MAN1A2: variants seen among roughly 807,000 people sequenced by gnomAD.
MAN1A2 encodes the protein mannosidase alpha class 1A member 2.
MAN1A2 carries 26 observed loss-of-function variants against 75.7 expected under a neutral mutation model. The observed-to-expected ratio is 0.34, with a 90% CI of 0.25 to 0.48. The LOEUF (loss-of-function observed/expected upper bound fraction) is 0.48, where lower values mean the gene tolerates loss of function less well. Ranked by LOEUF, MAN1A2 falls within the 20% of genes least tolerant of loss-of-function variation. The pLI, the probability that MAN1A2 is intolerant of heterozygous loss-of-function variation, is 0.99. For synonymous variants in MAN1A2, 247 were observed against 264.6 expected, an observed-to-expected ratio of 0.93 and a Z score of 0.65; for missense variants, 562 against 775.5, an observed-to-expected ratio of 0.72 and a Z score of 3.27.
intron 1 of MAN1A2, among the ~76,000 whole-genome samples, chr1:117,369,043 CT>C (rs759491054): frequency 1.3e-5 from 2 of 152,068 alleles, no homozygotes; most frequent in East Asian, 3.9e-4. Context: ...GATTTTTGTT[CT>C]TTTTTTGGGG....
At chr1:117,499,992 C>T (rs1447177241) in intron 11 of MAN1A2, among the ~76,000 whole-genome samples, 1 of 151,536 alleles carries the variant, frequency 6.6e-6, no homozygotes, top group Admixed American at 6.6e-5. Context: ...GGTGACTATT[C>T]GTATTCAAAT....
chr1:117,462,458 T>C (rs1324860620), intron 7 of MAN1A2, among the ~76,000 whole-genome samples: 1 of 152,154 alleles, frequency 6.6e-6, no homozygotes, highest in African/African-American at 2.4e-5. Flanking sequence ...AAAAATAATA[T>C]ATAGAGATGA....
chr1:117,385,465 C>G (rs1300120176), intron 1 of MAN1A2, among the ~76,000 whole-genome samples: 8 of 151,324 alleles, frequency 5.3e-5, no homozygotes, highest in Non-Finnish European at 7.4e-5. Flanking sequence ...CCACCCTATT[C>G]TCATCTACAC....
At chr1:117,439,650 C>A (rs960140627) in intron 5 of MAN1A2, among the ~76,000 whole-genome samples, 2 of 152,014 alleles carry the variant, frequency 1.3e-5, no homozygotes, top group South Asian at 2.1e-4. Context: ...CGCACCACCA[C>A]ACCTGGCTAA....
intron 1 of MAN1A2, among the ~76,000 whole-genome samples, chr1:117,374,366 TA>T (rs1653075093): frequency 6.6e-6 from 1 of 152,234 alleles, no homozygotes; most frequent in Non-Finnish European, 1.5e-5. Flanking sequence ...TTGCTACTTT[TA>T]TTTTCCCTAG....
chr1:117,512,269 G>A (rs1214273065), intron 12 of MAN1A2, among the ~76,000 whole-genome samples: 2 of 152,074 alleles, frequency 1.3e-5, no homozygotes, highest in Non-Finnish European at 2.9e-5. Flanking sequence ...CCCACATAAA[G>A]GAGAAAAGCA....
At chr1:117,428,808 A>ATTTTTTTTTTTTTTTT (rs1648475059) in intron 5 of MAN1A2, among the ~76,000 whole-genome samples, 1 of 85,988 alleles carries the variant, frequency 1.2e-5, no homozygotes, top group Non-Finnish European at 2.4e-5. Flanking sequence ...TTTTTTTTTT[A>ATTTTTTTTTTTTTTTT]AATTTATTTT....
intron 2 of MAN1A2, among the ~76,000 whole-genome samples, chr1:117,403,647 A>G (rs1647515666): frequency 6.6e-6 from 1 of 152,114 alleles, no homozygotes; most frequent in South Asian, 2.1e-4. Context: ...TACTGAAGTT[A>G]TTTATTCTTA....
chr1:117,375,318 GAAGGACTAT>G (rs1653100193), intron 1 of MAN1A2, among the ~76,000 whole-genome samples: 1 of 152,048 alleles, frequency 6.6e-6, no homozygotes. Flanking sequence ...CCTCTCATGG[GAAGGACTAT>G]AATTTCCTAA....
At position 117,420,150 on chromosome 1, in the gene MAN1A2, T is replaced by A. The variant is rs184701857; in HGVS notation, c.775-419T>A. On this transcript the variant is annotated intron_variant, in intron 4 of 12. Transcript: ENST00000356554. ...TATATTCTAGGAAAAATACTTAAAA[T>A]CCAGGAGGAGAGAGGAAGTAAAAAT... 7.9e-3 allele frequency among the ~76,000 whole-genome samples: 1,196 copies of A among 152,072 alleles called. 7 individuals carry two copies. Among genetic ancestry groups the A allele is most frequent in the South Asian group, 0.014 (68 of 4,816 alleles).
At chr1:117,468,464 A>G (rs1650045987) in intron 8 of MAN1A2, among the ~76,000 whole-genome samples, 1 of 152,182 alleles carries the variant, frequency 6.6e-6, no homozygotes, top group African/African-American at 2.4e-5. Flanking sequence ...GAAGCAATCT[A>G]AAGCAGTTCT....
chr1:117,381,499 T>C (rs1394794536), intron 1 of MAN1A2, among the ~76,000 whole-genome samples: 1 of 152,146 alleles, frequency 6.6e-6, no homozygotes, highest in African/African-American at 2.4e-5. Flanking sequence ...TCCATGTCCC[T>C]ACAAAGGACA....
At chr1:117,425,310 T>C (rs1201188709) in intron 5 of MAN1A2, among the ~76,000 whole-genome samples, 5 of 152,098 alleles carry the variant, frequency 3.3e-5, no homozygotes, top group Admixed American at 2.0e-4. Flanking sequence ...TATGTAAATT[T>C]CTCCAGAAAA....
At chr1:117,429,788 G>T (rs1648539247) in intron 5 of MAN1A2, among the ~76,000 whole-genome samples, 1 of 108,296 alleles carries the variant, frequency 9.2e-6, no homozygotes, top group African/African-American at 3.6e-5. Context: ...CCCGGACGGG[G>T]CGGCTGGCCG....
chr1:117,475,480 C>T (rs539045111), intron 8 of MAN1A2, among the ~76,000 whole-genome samples: 26 of 152,036 alleles, frequency 1.7e-4, no homozygotes, highest in South Asian at 1.5e-3. Context: ...TCGTCATCTA[C>T]GTTAGGTATT....
At chr1:117,373,793 C>T (rs982368458) in intron 1 of MAN1A2, among the ~76,000 whole-genome samples, 8 of 152,060 alleles carry the variant, frequency 5.3e-5, no homozygotes, top group East Asian at 1.9e-4. Context: ...TGCACCCAAC[C>T]GAATCTTATT....
intron 1 of MAN1A2, among the ~76,000 whole-genome samples, chr1:117,374,328 C>T (rs773658908): frequency 3.3e-5 from 5 of 152,136 alleles, no homozygotes; most frequent in Non-Finnish European, 7.4e-5. Flanking sequence ...GGGCTGACTC[C>T]ACATATTTCT....
chr1:117,434,944 G>T (rs1049597404), intron 5 of MAN1A2, among the ~76,000 whole-genome samples: 27 of 151,838 alleles, frequency 1.8e-4, no homozygotes, highest in Non-Finnish European at 3.5e-4. Flanking sequence ...GTGGAGGGGG[G>T]TATAAAACAG....
chr1:117,511,658 A>G (rs1293051323), intron 12 of MAN1A2, among the ~76,000 whole-genome samples: 1 of 152,092 alleles, frequency 6.6e-6, no homozygotes, highest in Non-Finnish European at 1.5e-5. Context: ...GGCTATTTGC[A>G]TCTTTACTCT....
Sources: gnomAD v4.1 joint callset for allele counts (sites outside exome capture counted in the v4.1 genomes callset) on GRCh38, gnomAD v4.1.1 for gene constraint, MANE v1.5 for transcripts, NCBI Gene and HGNC (gene_info 2026-07-23, HGNC 2026-07-21) for gene names.